TAFA4: variants seen among roughly 807,000 people sequenced by gnomAD.
TAFA4 encodes the protein TAFA chemokine like family member 4.
TAFA4 carries 20 observed loss-of-function variants against 21.1 expected under a neutral mutation model. That is an observed-to-expected ratio of 0.95 (90% confidence interval 0.67 to 1.38). TAFA4 has a LOEUF of 1.38. Ranked by LOEUF, TAFA4 falls within the 40% of genes most tolerant of loss-of-function variation. TAFA4 has a pLI of 0.00. For missense variants in TAFA4, 211 were observed against 180.9 expected (o/e 1.17, Z -0.95); for synonymous variants, 71 against 67.4 (o/e 1.05, Z -0.26).
At chr3:68,769,661 C>T (rs745583550) in intron 3 of TAFA4, among the ~76,000 whole-genome samples, 13 of 152,136 alleles carry the variant, frequency 8.5e-5, no homozygotes, top group Admixed American at 6.5e-4. Context: ...ATACATGTAT[C>T]GAAACATCAC....
chr3:68,762,809 C>T (rs1183311563), intron 3 of TAFA4, among the ~76,000 whole-genome samples: 4 of 152,228 alleles, frequency 2.6e-5, no homozygotes, highest in Non-Finnish European at 4.4e-5. Context: ...GAGACTGAGG[C>T]AGGCAGATCA....
At chr3:68,880,056 AACAC>A (rs34023286) in intron 3 of TAFA4, among the ~76,000 whole-genome samples, 23 of 149,830 alleles carry the variant, frequency 1.5e-4, no homozygotes, top group South Asian at 2.1e-4. Flanking sequence ...AAAGGACAGA[AACAC>A]ACACACACAC....
At chr3:68,857,820 A>G (rs1559545060) in intron 3 of TAFA4, among the ~76,000 whole-genome samples, 1 of 151,094 alleles carries the variant, frequency 6.6e-6, no homozygotes, top group Non-Finnish European at 1.5e-5. Flanking sequence ...CAAAAAAAAA[A>G]CAAAAAGAAA....
intron 3 of TAFA4, among the ~76,000 whole-genome samples, chr3:68,770,763 A>T (rs1156685964): frequency 6.6e-6 from 1 of 152,160 alleles, no homozygotes; most frequent in East Asian, 1.9e-4. Context: ...TGATACAGGA[A>T]GAGGGCAGGG....
intron 1 of TAFA4, among the ~76,000 whole-genome samples, chr3:68,928,638 G>C (rs1056046132): frequency 6.6e-6 from 1 of 152,170 alleles, no homozygotes; most frequent in African/African-American, 2.4e-5. Flanking sequence ...ACCCAAGCTA[G>C]CTGGTGTATA....
chr3:68,734,698 T>G (rs1028310813), intron 5 of TAFA4, among the ~76,000 whole-genome samples: 4 of 152,114 alleles, frequency 2.6e-5, no homozygotes, highest in African/African-American at 4.8e-5. Context: ...TCCCTTTGCC[T>G]TAGTTTCTTC....
chr3:68,906,177 G>T (rs1289495046), intron 1 of TAFA4, among the ~76,000 whole-genome samples: 1 of 152,208 alleles, frequency 6.6e-6, no homozygotes, highest in Non-Finnish European at 1.5e-5. Context: ...AACAAGTGTC[G>T]TTCCTCAAAA....
At chr3:68,859,027 G>A (rs1380689958) in intron 3 of TAFA4, among the ~76,000 whole-genome samples, 1 of 151,594 alleles carries the variant, frequency 6.6e-6, no homozygotes, top group Non-Finnish European at 1.5e-5. Context: ...GAAGCCAGCT[G>A]CAGAGGACTG....
chr3:68,908,872 G>A (rs1471073983), intron 1 of TAFA4, among the ~76,000 whole-genome samples: 1 of 152,080 alleles, frequency 6.6e-6, no homozygotes. Flanking sequence ...GCATGACAAC[G>A]ATCCAGGGTT....
At chr3:68,741,305 C>T (rs1184886941) in intron 4 of TAFA4, among the ~76,000 whole-genome samples, 1 of 152,148 alleles carries the variant, frequency 6.6e-6, no homozygotes, top group Non-Finnish European at 1.5e-5. Flanking sequence ...TAATGTCTTA[C>T]AGTTTTTAGT....
intron 3 of TAFA4, among the ~76,000 whole-genome samples, chr3:68,755,274 T>C (rs17043760): frequency 0.14 from 20,725 of 152,108 alleles, 2,304 homozygotes; most frequent in African/African-American, 0.31. Flanking sequence ...TTATCAGGAG[T>C]CTTTTGTTAG....
At chr3:68,754,835 C>A (rs1399734815) in intron 3 of TAFA4, among the ~76,000 whole-genome samples, 2 of 152,000 alleles carry the variant, frequency 1.3e-5, no homozygotes, top group Non-Finnish European at 2.9e-5. Flanking sequence ...AGGAGGAGAC[C>A]CTTCAAATTG....
intron 1 of TAFA4, among the ~76,000 whole-genome samples, chr3:68,891,381 C>T (rs2089729099): frequency 1.3e-5 from 2 of 152,178 alleles, no homozygotes; most frequent in Admixed American, 1.3e-4. Flanking sequence ...TGCCCACTCA[C>T]CAGGGAAACC....
chr3:68,743,033 T>C (rs1453696630), intron 4 of TAFA4, among the ~76,000 whole-genome samples: 1 of 152,110 alleles, frequency 6.6e-6, no homozygotes, highest in Non-Finnish European at 1.5e-5. Flanking sequence ...GGCCAGACAT[T>C]GTAGAATCTT....
rs368408731 is a variant in TAFA4 at position 68,890,051 on chromosome 3, TAAGA to T, written c.-122-4745_-122-4742del. Among the ~76,000 whole-genome samples the T allele has an allele frequency of 1.1e-4, 16 of 152,296 alleles. 1 individual carries two copies. The highest frequency in any genetic ancestry group is 3.6e-4 in the African/African-American group (15 of 41,566). ...CTCATTTTGATCCTCATACTGTAGT[TAAGA>T]AAGAAAATGCACTTGTTATTAAATA... On this transcript the variant is annotated intron_variant, in intron 1 of 5. Coordinates refer to ENST00000295569, the MANE Select transcript of TAFA4 (RefSeq NM_182522.5).
intron 3 of TAFA4, among the ~76,000 whole-genome samples, chr3:68,770,682 G>A (rs147705157): frequency 7.0e-4 from 106 of 152,186 alleles, no homozygotes; most frequent in African/African-American, 2.0e-3. Context: ...GGCACATGCC[G>A]GCTCTCAAGA....
intron 3 of TAFA4, among the ~76,000 whole-genome samples, chr3:68,808,474 A>G (rs1486237880): frequency 6.6e-6 from 1 of 152,136 alleles, no homozygotes; most frequent in Non-Finnish European, 1.5e-5. Context: ...AACCTACCTT[A>G]AAAAAATAAT....
chr3:68,820,443 T>A (rs546415988), intron 3 of TAFA4, among the ~76,000 whole-genome samples: 1 of 151,758 alleles, frequency 6.6e-6, no homozygotes, highest in Non-Finnish European at 1.5e-5. Context: ...CTTTGGGAGG[T>A]TGAGGCAGGG....
At chr3:68,807,538 T>A (rs967415676) in intron 3 of TAFA4, among the ~76,000 whole-genome samples, 1 of 151,414 alleles carries the variant, frequency 6.6e-6, no homozygotes, top group South Asian at 2.1e-4. Context: ...AAATGAAGAA[T>A]CATCCCAAAA....
Sources: allele counts gnomAD v4.1 joint callset (sites outside exome capture counted in the v4.1 genomes callset), GRCh38; gene constraint gnomAD v4.1.1; transcripts MANE v1.5; gene names NCBI Gene and HGNC (gene_info 2026-07-23, HGNC 2026-07-21).